The following PDE3A variants were observed in gnomAD, a reference collection of about 807,000 sequenced individuals.
The protein encoded by PDE3A is phosphodiesterase 3A.
Under a neutral mutation model 98.3 loss-of-function variants are expected in PDE3A, and 43 were observed. The ratio of observed to expected loss-of-function variants is 0.44; its 90% CI spans 0.34 to 0.56. The LOEUF is 0.56. Ranked by LOEUF, PDE3A falls within the 20% of genes least tolerant of loss-of-function variation. PDE3A has a pLI of 0.01. For synonymous variants in PDE3A, 663 were observed against 567.9 expected (o/e 1.17, Z -2.38); for missense variants, 1,427 against 1,440.7 (o/e 0.99, Z 0.15).
chr12:20,675,756 CTAATA>C (rs1488259460), intron 15 of PDE3A, among the ~76,000 whole-genome samples: 1 of 152,122 alleles, frequency 6.6e-6, no homozygotes, highest in Non-Finnish European at 1.5e-5. Context: ...TCTGTTTCAT[CTAATA>C]TAAGTATAGC....
intron 1 of PDE3A, among the ~76,000 whole-genome samples, chr12:20,413,657 T>C (rs1944372263): frequency 6.6e-6 from 1 of 152,128 alleles, no homozygotes; most frequent in African/African-American, 2.4e-5. Context: ...GGGGGCCAAA[T>C]GATGCAGGGC....
rs1174801475 is a variant in PDE3A, at chr12:20,369,892, G to T, written c.608G>T (p.Trp203Leu). The part of the protein sequence containing the change: ...VVLSCLAAAT[W>L]LVLRLRLGVL... ...CTCAGCTGCTTGGCCGCCGCGACAT[G>T]GCTGGTGCTGAGGCTGAGGCTGGGC... The change falls in exon 1 of 16, where the codon TGG (tryptophan) becomes TTG (leucine). Residue 203 changes from tryptophan (W) to leucine (L), a missense_variant. Physicochemically the swap from Trp to Leu is moderately conservative, Grantham distance 61. Transcript: ENST00000359062. The T allele has an allele frequency of 6.2e-7, 1 of 1,613,220 alleles. No individual in the cohort carries two copies. The highest frequency in any genetic ancestry group is 1.3e-5 in the African/African-American group (1 of 74,918).
At chr12:20,664,492 T>A (rs531325574) in intron 15 of PDE3A, among the ~76,000 whole-genome samples, 1 of 152,284 alleles carries the variant, frequency 6.6e-6, no homozygotes, top group East Asian at 1.9e-4. Context: ...TCTGCTGATA[T>A]GGTTTTGCTG....
chr12:20,676,023 T>A (rs1303432604), intron 15 of PDE3A, among the ~76,000 whole-genome samples: 2 of 152,232 alleles, frequency 1.3e-5, no homozygotes, highest in Non-Finnish European at 2.9e-5. Context: ...ATTTTGTTAA[T>A]TGATTTATAA....
chr12:20,496,633 G>T (rs746516734), intron 1 of PDE3A, among the ~76,000 whole-genome samples: 1 of 151,940 alleles, frequency 6.6e-6, no homozygotes, highest in African/African-American at 2.4e-5. Context: ...AGCTGTCCAC[G>T]TTCCGTTGTT....
chr12:20,557,251 G>A (rs1051540144), intron 2 of PDE3A: 2 of 153,062 alleles, frequency 1.3e-5, no homozygotes, highest in African/African-American at 4.8e-5. Flanking sequence ...TTATGTCTTA[G>A]GCAAAGAGAA....
intron 2 of PDE3A, among the ~76,000 whole-genome samples, chr12:20,594,198 AG>A (rs1186504642): frequency 2.4e-4 from 1 of 4,138 alleles, no homozygotes; most frequent in Non-Finnish European, 0.022. Flanking sequence ...TTGTTAGTAG[AG>A]GATAATGCTA....
At chr12:20,587,078 T>C (rs968229096) in intron 2 of PDE3A, among the ~76,000 whole-genome samples, 13 of 152,126 alleles carry the variant, frequency 8.5e-5, no homozygotes, top group African/African-American at 3.1e-4. Context: ...AACTTAAAAT[T>C]AGTAGGCTCT....
intron 15 of PDE3A, among the ~76,000 whole-genome samples, chr12:20,669,877 A>G (rs895089509): frequency 1.3e-5 from 2 of 152,110 alleles, no homozygotes; most frequent in Admixed American, 1.3e-4. Context: ...AATGGACTAA[A>G]TGCTCCAATT....
intron 1 of PDE3A, among the ~76,000 whole-genome samples, chr12:20,512,901 A>T (rs981199298): frequency 2.0e-5 from 3 of 152,146 alleles, no homozygotes; most frequent in African/African-American, 7.2e-5. Flanking sequence ...TATAAATATA[A>T]CCATTCAATA....
At chr12:20,423,402 C>T (rs1405392130) in intron 1 of PDE3A, among the ~76,000 whole-genome samples, 1 of 152,120 alleles carries the variant, frequency 6.6e-6, no homozygotes, top group African/African-American at 2.4e-5. Flanking sequence ...TGACTTCTTT[C>T]TTGAGACTTT....
chr12:20,378,822 T>C (rs1348582), intron 1 of PDE3A, among the ~76,000 whole-genome samples: 37,721 of 151,566 alleles, frequency 0.25, 5,549 homozygotes, highest in African/African-American at 0.38. Context: ...TGGTACTTTT[T>C]TTTTTGGTCA....
chr12:20,504,482 G>A (rs1281253517), intron 1 of PDE3A, among the ~76,000 whole-genome samples: 1 of 151,940 alleles, frequency 6.6e-6, no homozygotes, highest in African/African-American at 2.4e-5. Context: ...AACTTTAATG[G>A]CATTAAAAAC....
chr12:20,549,400 T>TAA (rs139027564), intron 1 of PDE3A, among the ~76,000 whole-genome samples: 2 of 136,372 alleles, frequency 1.5e-5, no homozygotes, highest in African/African-American at 2.7e-5. Flanking sequence ...TTCTTTGCAT[T>TAA]AAAAAAAAAA....
At chr12:20,517,070 C>T (rs1946334998) in intron 1 of PDE3A, among the ~76,000 whole-genome samples, 1 of 152,204 alleles carries the variant, frequency 6.6e-6, no homozygotes, top group African/African-American at 2.4e-5. Context: ...CAGTAAAGCC[C>T]TGTAGTTTGA....
chr12:20,412,549 G>A (rs2166150), intron 1 of PDE3A, among the ~76,000 whole-genome samples: 98,292 of 151,668 alleles, frequency 0.65, 33,688 homozygotes, highest in East Asian at 0.89. Flanking sequence ...GTGAAAAACC[G>A]ACAGACAGAC....
At chr12:20,618,487 G>A (rs1944061889) in intron 4 of PDE3A, among the ~76,000 whole-genome samples, 1 of 151,970 alleles carries the variant, frequency 6.6e-6, no homozygotes, top group African/African-American at 2.4e-5. Context: ...TATATATACA[G>A]CTGGATAATT....
intron 1 of PDE3A, among the ~76,000 whole-genome samples, chr12:20,518,407 G>C (rs1310072438): frequency 6.9e-6 from 1 of 145,128 alleles, no homozygotes; most frequent in Non-Finnish European, 1.5e-5. Flanking sequence ...TAATAATGGA[G>C]AAAAAAAAAA....
intron 2 of PDE3A, among the ~76,000 whole-genome samples, chr12:20,587,337 C>A (rs893864229): frequency 6.6e-6 from 1 of 151,968 alleles, no homozygotes; most frequent in Non-Finnish European, 1.5e-5. Flanking sequence ...CCACTGCACT[C>A]CAGCCTGGGC....
Sources: allele counts gnomAD v4.1 joint callset (sites outside exome capture counted in the v4.1 genomes callset), GRCh38; gene constraint gnomAD v4.1.1; transcripts MANE v1.5; gene names NCBI Gene and HGNC (gene_info 2026-07-23, HGNC 2026-07-21).